The following MPPED2 variants were observed in gnomAD, a reference collection of about 807,000 sequenced individuals.
The protein encoded by MPPED2 is metallophosphoesterase domain containing 2.
A neutral mutation model predicts 33.0 loss-of-function variants in MPPED2; 5 were observed. The ratio of observed to expected loss-of-function variants is 0.15; its 90% CI spans 0.08 to 0.32. The LOEUF (loss-of-function observed/expected upper bound fraction) is 0.32, where lower values mean the gene tolerates loss of function less well. Among genes scored for constraint, MPPED2 ranks in the 10% least tolerant of loss-of-function variants. The pLI is 1.00. For missense variants in MPPED2, 275 were observed against 372.1 expected, an observed-to-expected ratio of 0.74 and a Z score of 2.15; for synonymous variants, 136 against 141.9, an observed-to-expected ratio of 0.96 and a Z score of 0.29.
At chr11:30,518,808 C>A (rs2134358465) in intron 3 of MPPED2, among the ~76,000 whole-genome samples, 1 of 152,316 alleles carries the variant, frequency 6.6e-6, no homozygotes, top group South Asian at 2.1e-4. Flanking sequence ...CTTCCCACCA[C>A]CCTTAACTCT....
rs1002189417 is a variant in MPPED2, at chr11:30,447,611, G to A, written c.537-29978C>T. The stretch of plus-strand genomic sequence containing the variant: ...ATTAGACTGACAAGAGCCAGCACTC[G>A]CTGGATATTGATAGCTGATAAATAG... On this transcript the variant is annotated intron_variant, in intron 4 of 6. Coordinates refer to ENST00000358117, the MANE Select transcript of MPPED2 (RefSeq NM_001584.3). Among the ~76,000 whole-genome samples, 169 of 152,276 alleles carry A rather than the reference G, an allele frequency of 1.1e-3. 1 individual carries two copies. The highest frequency in any genetic ancestry group is 3.7e-3 in the African/African-American group (154 of 41,558).
chr11:30,404,922 A>T (rs536134458), intron 6 of MPPED2, among the ~76,000 whole-genome samples: 80 of 152,256 alleles, frequency 5.3e-4, no homozygotes, highest in African/African-American at 1.6e-3. Flanking sequence ...GTTTCTTCAG[A>T]CCTAGATGCT....
chr11:30,547,964 T>G (rs1316672555), intron 2 of MPPED2, among the ~76,000 whole-genome samples: 1 of 152,184 alleles, frequency 6.6e-6, no homozygotes, highest in Non-Finnish European at 1.5e-5. Context: ...AAATTATATA[T>G]ACCTATGTAC....
At chr11:30,443,708 T>C (rs1439306229) in intron 4 of MPPED2, among the ~76,000 whole-genome samples, 7 of 152,146 alleles carry the variant, frequency 4.6e-5, no homozygotes, top group Non-Finnish European at 2.9e-5. Flanking sequence ...TAAATACTCA[T>C]CTCCCCCACC....
chr11:30,526,203 C>T (rs1279964420), intron 3 of MPPED2, among the ~76,000 whole-genome samples: 2 of 152,112 alleles, frequency 1.3e-5, no homozygotes, highest in African/African-American at 4.8e-5. Context: ...TACTCTTATC[C>T]TGTACTATTA....
intron 3 of MPPED2, among the ~76,000 whole-genome samples, chr11:30,531,080 G>A (rs1023901449): frequency 3.9e-5 from 6 of 152,166 alleles, no homozygotes; most frequent in African/African-American, 1.4e-4. Context: ...TTAGGTGGCA[G>A]GGTCCCAGTT....
At chr11:30,478,563 T>A (rs750475601) in intron 4 of MPPED2, among the ~76,000 whole-genome samples, 3 of 152,086 alleles carry the variant, frequency 2.0e-5, no homozygotes, top group Non-Finnish European at 4.4e-5. Flanking sequence ...CACAGACCAA[T>A]GATGGCAATG....
chr11:30,442,391 A>C (rs937269737), intron 4 of MPPED2, among the ~76,000 whole-genome samples: 2 of 152,244 alleles, frequency 1.3e-5, no homozygotes, highest in Admixed American at 1.3e-4. Context: ...CTGATTGCCC[A>C]CTATGTGTGA....
At chr11:30,540,586 T>C (rs548940345) in intron 2 of MPPED2, among the ~76,000 whole-genome samples, 30 of 152,322 alleles carry the variant, frequency 2.0e-4, no homozygotes, top group Non-Finnish European at 3.8e-4. Context: ...ATTTAACTTC[T>C]ATGACCTCCA....
rs963072670 is a variant in MPPED2, at chr11:30,519,919, G to A, written c.310+16075C>T. Among the ~76,000 whole-genome samples, 7 of 152,124 alleles carry A rather than the reference G, an allele frequency of 4.6e-5. No individual in the cohort carries two copies. In the South Asian group the frequency reaches 1.2e-3, roughly 27 times the overall value. ...ACGACTAGGGAATAGGATTAATTTA[G>A]AGTCAGCAAGTGAAGAACTTCCTAA... is the stretch of plus-strand genomic sequence containing the variant. On this transcript the variant is annotated intron_variant, in intron 3 of 6. Coordinates refer to ENST00000358117, the MANE Select transcript of MPPED2 (RefSeq NM_001584.3).
At chr11:30,407,541 C>G (rs993515116), downstream of MPPED2, among the ~76,000 whole-genome samples, 18 of 151,952 alleles carry the variant, frequency 1.2e-4, no homozygotes, top group African/African-American at 4.8e-5. Context: ...GAAACAATAC[C>G]GCTGCTGCTT....
chr11:30,442,489 T>A (rs995659578), intron 4 of MPPED2, among the ~76,000 whole-genome samples: 1 of 152,196 alleles, frequency 6.6e-6, no homozygotes, highest in Non-Finnish European at 1.5e-5. Context: ...GGGAACCAAA[T>A]GTGAAAATAT....
At chr11:30,558,114 T>A (rs1956068446) in intron 2 of MPPED2, among the ~76,000 whole-genome samples, 1 of 152,114 alleles carries the variant, frequency 6.6e-6, no homozygotes. Context: ...GGTCAACCAA[T>A]AGAACATGCA....
chr11:30,445,945 GTC>G (rs1949787073), intron 4 of MPPED2, among the ~76,000 whole-genome samples: 1 of 152,202 alleles, frequency 6.6e-6, no homozygotes, highest in South Asian at 2.1e-4. Flanking sequence ...AGTTCATGCA[GTC>G]TTTAAGCAAC....
At chr11:30,420,400 G>A (rs1948558822) in intron 4 of MPPED2, among the ~76,000 whole-genome samples, 1 of 152,188 alleles carries the variant, frequency 6.6e-6, no homozygotes, top group Non-Finnish European at 1.5e-5. Context: ...GCTGACACCT[G>A]GATTTTAGTC....
At chr11:30,471,240 T>A (rs1202083692) in intron 4 of MPPED2, among the ~76,000 whole-genome samples, 1 of 152,208 alleles carries the variant, frequency 6.6e-6, no homozygotes, top group African/African-American at 2.4e-5. Context: ...TGGACAATTA[T>A]AACATTCCTG....
intron 6 of MPPED2, among the ~76,000 whole-genome samples, chr11:30,393,936 C>A (rs370444322): frequency 6.6e-6 from 1 of 152,170 alleles, no homozygotes; most frequent in Non-Finnish European, 1.5e-5. Flanking sequence ...CTGTGCTGCT[C>A]TTTTGTAGTC....
chr11:30,470,342 G>A (rs1305150909), intron 4 of MPPED2, among the ~76,000 whole-genome samples: 4 of 152,062 alleles, frequency 2.6e-5, no homozygotes, highest in Non-Finnish European at 1.5e-5. Flanking sequence ...TAGTTAGATG[G>A]GAGGAATTTT....
intron 2 of MPPED2, among the ~76,000 whole-genome samples, chr11:30,549,990 C>CT (rs906511947): frequency 1.3e-5 from 2 of 152,076 alleles, no homozygotes; most frequent in African/African-American, 4.8e-5. Flanking sequence ...ATATCAATTG[C>CT]TTTTTTAAAA....
Sources: allele counts gnomAD v4.1 joint callset (sites outside exome capture counted in the v4.1 genomes callset), GRCh38; gene constraint gnomAD v4.1.1; transcripts MANE v1.5; gene names NCBI Gene and HGNC (gene_info 2026-07-23, HGNC 2026-07-21).